CCT4: variants seen among roughly 807,000 people sequenced by gnomAD.
CCT4 encodes the protein chaperonin containing TCP1 subunit 4.
CCT4 carries 17 observed loss-of-function variants against 62.5 expected under a neutral mutation model. That is an observed-to-expected ratio of 0.27 (90% CI 0.19 to 0.41). The LOEUF is 0.41. Ranked by LOEUF, CCT4 falls within the 10% of genes least tolerant of loss-of-function variation. The pLI is 1.00. For missense variants in CCT4, 592 were observed against 659.2 expected, an observed-to-expected ratio of 0.90 and a Z score of 1.12; for synonymous variants, 250 against 229.9, an observed-to-expected ratio of 1.09 and a Z score of -0.79.
At position 61,876,251 on chromosome 2, in the gene CCT4, C is replaced by G; in HGVS notation, c.778-17G>C. 6.4e-7 allele frequency: 1 copy of G among 1,556,082 alleles called. No individual in the cohort carries two copies. The highest frequency in any genetic ancestry group is 8.7e-7 in the Non-Finnish European group (1 of 1,149,860). ...ATTATCCATCTGTTCAGAAAAAGAA[C>G]ATCATAATTTGCATTGTAAGATATT... On this transcript the variant is annotated splice_polypyrimidine_tract_variant and intron_variant, in intron 7 of 13. Coordinates refer to ENST00000394440, the MANE Select transcript of CCT4 (RefSeq NM_006430.4).
rs35876878 is a variant in CCT4 at position 61,885,087 on chromosome 2, G to GA, written c.128-16dup. Reference sequence around the variant, plus strand: ...ATCAGCAACCGCTGCAGATGGGGGGGAAAAAAAAGAAAACAAATTAGAACT... The same window carrying GA: ...ATCAGCAACCGCTGCAGATGGGGGGGAAAAAAAAAGAAAACAAATTAGAACT... On this transcript the variant is annotated splice_polypyrimidine_tract_variant and intron_variant, in intron 1 of 13. Transcript: ENST00000394440. The GA allele has an allele frequency of 2.4e-3, 3,567 of 1,515,714 alleles. 17 individuals are homozygous for GA. The highest frequency in any genetic ancestry group is 0.013 in the African/African-American group (876 of 68,026). The allele number at this position is 1,515,714 out of a possible 1,614,324, so 93.9% of individuals were successfully genotyped here.
At chr2:61,880,203 T>C in intron 4 of CCT4, 83 bp downstream of exon 4, 1 of 632,946 alleles carries the variant, frequency 1.6e-6, no homozygotes, top group Non-Finnish European at 2.7e-6. Flanking sequence ...TTCAATCCCA[T>C]ATTACTTATG....
chr2:61,872,652 G>C, intron 10 of CCT4, 64 bp from the exon 11 acceptor site: 1 of 1,571,824 alleles, frequency 6.4e-7, no homozygotes, highest in South Asian at 1.1e-5. Context: ...CCCAGGCCGG[G>C]CACGGCGGCT....
intron 1 of CCT4, among the ~76,000 whole-genome samples, chr2:61,887,001 C>T (rs984653610): frequency 1.3e-5 from 2 of 152,090 alleles, no homozygotes; most frequent in East Asian, 1.9e-4. Context: ...TCATGTGATC[C>T]GCCAGCCTCA....
chr2:61,874,728 G>A (rs562791990), intron 8 of CCT4, among the ~76,000 whole-genome samples: 2 of 152,164 alleles, frequency 1.3e-5, no homozygotes, highest in Non-Finnish European at 2.9e-5. Context: ...GCAAGCAATT[G>A]CATAGACCTT....
intron 4 of CCT4, among the ~76,000 whole-genome samples, chr2:61,879,491 T>TG (rs1470168813): frequency 6.7e-6 from 1 of 149,760 alleles, no homozygotes; most frequent in African/African-American, 2.5e-5. Flanking sequence ...TTGCCCAGTC[T>TG]GGTCTCAACT....
intron 3 of CCT4, among the ~76,000 whole-genome samples, chr2:61,881,599 T>C (rs976239437): frequency 9.8e-5 from 15 of 152,330 alleles, no homozygotes; most frequent in African/African-American, 3.1e-4. Flanking sequence ...TAAATATTTT[T>C]GAAGCAAAGA....
At chr2:61,880,248 ACTTTT>A (rs773072777) in intron 4 of CCT4, 33 bp downstream of exon 4, 1 of 1,139,724 alleles carries the variant, frequency 8.8e-7, no homozygotes, top group South Asian at 1.5e-5. Flanking sequence ...TGTTTTTTAA[ACTTTT>A]CTTTATTCAG....
intron 5 of CCT4, 102 bp downstream of exon 5, chr2:61,878,767 G>T: frequency 1.4e-6 from 1 of 717,070 alleles, no homozygotes; most frequent in Non-Finnish European, 2.2e-6. Flanking sequence ...CAGTTACCTA[G>T]CCACTCTTGA....
intron 1 of CCT4, among the ~76,000 whole-genome samples, chr2:61,886,306 G>T (rs1276753216): frequency 6.6e-6 from 1 of 152,146 alleles, no homozygotes; most frequent in Non-Finnish European, 1.5e-5. Context: ...TAGCTACTCG[G>T]GAGGCTGAGG....
rs974877995 is a variant in CCT4, at chr2:61,870,059, C to T, written c.1492-506G>A. On this transcript the variant is annotated intron_variant, in intron 12 of 13. Coordinates refer to ENST00000394440, the MANE Select transcript of CCT4 (RefSeq NM_006430.4). ...TTGGGAGGCCAAGGCAGGCAGATCA[C>T]GAGGTCAGGAGATCGAGACCATCCT... Among the ~76,000 whole-genome samples the T allele has an allele frequency of 7.9e-5, 12 of 151,172 alleles. No individual in the cohort carries two copies. In the South Asian group the frequency reaches 1.9e-3, roughly 24 times the overall value.
intron 2 of CCT4, 64 bp from the exon 3 acceptor site, chr2:61,883,612 C>A: frequency 2.5e-6 from 2 of 802,566 alleles, no homozygotes; most frequent in Non-Finnish European, 4.0e-6. Context: ...TAAACTTTTA[C>A]ATTTCAAAAT....
At chr2:61,885,501 C>T (rs1319029311) in intron 1 of CCT4, among the ~76,000 whole-genome samples, 1 of 152,152 alleles carries the variant, frequency 6.6e-6, no homozygotes, top group African/African-American at 2.4e-5. Flanking sequence ...ACCTCCGCCT[C>T]CTGAGTTCAA....
At chr2:61,871,777 C>T (rs758589010) in intron 12 of CCT4, among the ~76,000 whole-genome samples, 1 of 152,210 alleles carries the variant, frequency 6.6e-6, no homozygotes, top group Non-Finnish European at 1.5e-5. Context: ...ATTCTCACAA[C>T]AGGCCTATGA....
chr2:61,882,356 A>T (rs991427348), intron 3 of CCT4, among the ~76,000 whole-genome samples: 1 of 152,194 alleles, frequency 6.6e-6, no homozygotes, highest in East Asian at 1.9e-4. Flanking sequence ...AAGGTAAAAG[A>T]AGTAAAATAA....
chr2:61,876,069 G>A (rs769315214), intron 8 of CCT4, 26 bp downstream of exon 8: 5 of 1,496,302 alleles, frequency 3.3e-6, no homozygotes, highest in South Asian at 2.5e-5. Context: ...ATCATTAAGG[G>A]ATGAACAAAA....
At position 61,888,535 on chromosome 2, in the gene CCT4, T is replaced by C; in HGVS notation, c.-28A>G. The stretch of plus-strand genomic sequence containing the variant: ...CAAACTCCGCTGTGTCTGGGTTGGC[T>C]CGGGAAGGACGGATGGACCCGGATT... On this transcript the variant is annotated 5_prime_UTR_variant, in exon 1 of 14. Coordinates refer to ENST00000394440, the MANE Select transcript of CCT4 (RefSeq NM_006430.4). 1 of 1,604,416 alleles carries C rather than the reference T, an allele frequency of 6.2e-7. No individual in the cohort carries two copies. Among genetic ancestry groups the C allele is most frequent in the Non-Finnish European group, 8.5e-7 (1 of 1,175,326 alleles).
Position 61,876,917 on chromosome 2 carries a change from T to TA in CCT4, c.777+2dup. 1 of 1,605,086 alleles carries TA rather than the reference T, an allele frequency of 6.2e-7. No homozygotes were observed. The highest frequency in any genetic ancestry group is 8.5e-7 in the Non-Finnish European group (1 of 1,177,244). ...GAACCAATTTCATTTGGATTCTACT[T>TA]ACGTCTGTTTTGGGAGCAGATAAGC... On this transcript the variant is annotated splice_region_variant and intron_variant, in intron 7 of 13. Coordinates refer to ENST00000394440, the MANE Select transcript of CCT4 (RefSeq NM_006430.4).
intron 3 of CCT4, among the ~76,000 whole-genome samples, chr2:61,881,508 G>C (rs572384155): frequency 1.3e-5 from 2 of 152,096 alleles, no homozygotes; most frequent in African/African-American, 4.8e-5. Context: ...TTCCTCAATA[G>C]TACCACATAC....
Sources: allele counts gnomAD v4.1 joint callset (sites outside exome capture counted in the v4.1 genomes callset), GRCh38; gene constraint gnomAD v4.1.1; transcripts MANE v1.5; gene names NCBI Gene and HGNC (gene_info 2026-07-23, HGNC 2026-07-21).